Variants in CHRM3 observed in about 807,000 individuals in gnomAD.
CHRM3 encodes the protein muscarinic acetylcholine receptor M3.
In CHRM3, 11 loss-of-function variants were observed where a neutral mutation model predicts 41.8. The ratio of observed to expected loss-of-function variants is 0.26; its 90% CI spans 0.17 to 0.44. CHRM3 has a LOEUF of 0.44. Ranked by LOEUF, CHRM3 falls within the 20% of genes least tolerant of loss-of-function variation. The pLI is 1.00. For synonymous variants in CHRM3, 297 were observed against 301.4 expected, an observed-to-expected ratio of 0.99 and a Z score of 0.15; for missense variants, 571 against 745.4, an observed-to-expected ratio of 0.77 and a Z score of 2.72.
chr1:239,571,830 T>C (rs1661856086), intron 3 of CHRM3, among the ~76,000 whole-genome samples: 2 of 152,190 alleles, frequency 1.3e-5, no homozygotes. Context: ...AACTCATAAA[T>C]GTAAATAGAT....
At chr1:239,402,452 C>T (rs930087455) in intron 1 of CHRM3, among the ~76,000 whole-genome samples, 4 of 152,206 alleles carry the variant, frequency 2.6e-5, no homozygotes, top group African/African-American at 9.6e-5. Flanking sequence ...CTTTCAGTCT[C>T]TTTTGGATTT....
chr1:239,876,538 T>A (rs1379332126), intron 6 of CHRM3, among the ~76,000 whole-genome samples: 1 of 152,174 alleles, frequency 6.6e-6, no homozygotes, highest in Non-Finnish European at 1.5e-5. Flanking sequence ...CAACTCTCTC[T>A]ATGTCTCTAT....
intron 1 of CHRM3, among the ~76,000 whole-genome samples, chr1:239,430,989 TTTAA>T (rs1306036558): frequency 6.6e-6 from 1 of 152,194 alleles, no homozygotes; most frequent in Non-Finnish European, 1.5e-5. Flanking sequence ...ATCTATTACT[TTTAA>T]TCAATATTGG....
chr1:239,894,960 T>C (rs1464398147), intron 6 of CHRM3, among the ~76,000 whole-genome samples: 1 of 152,168 alleles, frequency 6.6e-6, no homozygotes, highest in Non-Finnish European at 1.5e-5. Context: ...TCTGGTGCCT[T>C]CAGTATATGG....
chr1:239,623,403 GTTTCCA>G (rs1668633159), intron 3 of CHRM3, among the ~76,000 whole-genome samples: 1 of 150,964 alleles, frequency 6.6e-6, no homozygotes, highest in Admixed American at 6.6e-5. Flanking sequence ...GAGAATGATG[GTTTCCA>G]GCTTCATCCA....
At position 239,545,720 on chromosome 1, in the gene CHRM3, C is replaced by T. The variant is rs1057498552; in HGVS notation, c.-342C>T. ...TTGAATGAACTGTATCCATCCCCAT[C>T]ATGATGTACAGAACCAAGTCTCTTC... On this transcript the variant is annotated 5_prime_UTR_variant, in exon 3 of 7. Transcript: ENST00000676153. 1 of 152,138 alleles carries T rather than the reference C, an allele frequency of 6.6e-6. No individual in the cohort carries two copies. The highest frequency in any genetic ancestry group is 2.4e-5 in the African/African-American group (1 of 41,434). The allele number at this position is 152,138 out of a possible 1,614,324, so 9.4% of individuals were successfully genotyped here. A position where few individuals can be genotyped will look rare whatever the true frequency, so the allele number is the denominator to read the frequency against.
At chr1:239,588,019 A>G (rs1309753564) in intron 3 of CHRM3, among the ~76,000 whole-genome samples, 1 of 152,236 alleles carries the variant, frequency 6.6e-6, no homozygotes, top group Non-Finnish European at 1.5e-5. Flanking sequence ...TCAGACCAAT[A>G]GATGAGCTAC....
intron 3 of CHRM3, among the ~76,000 whole-genome samples, chr1:239,584,493 G>C (rs563184303): frequency 2.6e-5 from 4 of 152,270 alleles, no homozygotes; most frequent in South Asian, 4.1e-4. Flanking sequence ...TTTTAAAAAT[G>C]AGGATTATTT....
intron 6 of CHRM3, among the ~76,000 whole-genome samples, chr1:239,840,756 A>C (rs1673730669): frequency 6.6e-6 from 1 of 152,354 alleles, no homozygotes; most frequent in South Asian, 2.1e-4. Context: ...CAATAACTTG[A>C]ATATTGTCAG....
intron 1 of CHRM3, among the ~76,000 whole-genome samples, chr1:239,440,942 T>C (rs1326881442): frequency 1.4e-5 from 2 of 145,882 alleles, no homozygotes; most frequent in South Asian, 2.1e-4. Context: ...TTACACTTTG[T>C]TTGTAAGGCA....
chr1:239,589,073 A>T (rs1157614298), intron 3 of CHRM3, among the ~76,000 whole-genome samples: 1 of 151,882 alleles, frequency 6.6e-6, no homozygotes, highest in African/African-American at 2.4e-5. Context: ...AGCTGGGATT[A>T]CAGGCACGTG....
intron 6 of CHRM3, among the ~76,000 whole-genome samples, chr1:239,872,031 C>G (rs1676632109): frequency 6.6e-6 from 1 of 152,142 alleles, no homozygotes; most frequent in Admixed American, 6.5e-5. Context: ...TTCGAATAAA[C>G]TTTGTAAGAA....
intron 6 of CHRM3, among the ~76,000 whole-genome samples, chr1:239,865,681 A>T (rs769033541): frequency 6.6e-5 from 10 of 152,186 alleles, no homozygotes; most frequent in Admixed American, 6.5e-4. Flanking sequence ...GCAGACCAAG[A>T]ATCAAGGGTA....
At chr1:239,472,723 TG>T (rs2147949135) in intron 1 of CHRM3, among the ~76,000 whole-genome samples, 1 of 128,638 alleles carries the variant, frequency 7.8e-6, no homozygotes, top group East Asian at 2.3e-4. Context: ...TAGGGCCTGT[TG>T]GGGGTGGGAT....
intron 6 of CHRM3, among the ~76,000 whole-genome samples, chr1:239,896,020 A>G (rs549147220): frequency 6.6e-6 from 1 of 152,368 alleles, no homozygotes; most frequent in South Asian, 2.1e-4. Context: ...AAAACAGAGT[A>G]GAGGCAATCG....
At chr1:239,684,590 G>T (rs948334698) in intron 5 of CHRM3, among the ~76,000 whole-genome samples, 1 of 151,250 alleles carries the variant, frequency 6.6e-6, no homozygotes. Flanking sequence ...AGCAGAGGTT[G>T]CAGTGAGCTG....
chr1:239,721,846 G>A (rs1328881855), intron 5 of CHRM3, among the ~76,000 whole-genome samples: 1 of 151,832 alleles, frequency 6.6e-6, no homozygotes, highest in Non-Finnish European at 1.5e-5. Flanking sequence ...ACAAAGCAAT[G>A]TAATGGTGTG....
chr1:239,507,197 G>A (rs865875059), intron 2 of CHRM3, among the ~76,000 whole-genome samples: 1 of 152,108 alleles, frequency 6.6e-6, no homozygotes, highest in Admixed American at 6.5e-5. Flanking sequence ...TGAAGGGCCA[G>A]GTGTGGAATG....
chr1:239,758,738 A>G (rs1666443261), intron 5 of CHRM3, among the ~76,000 whole-genome samples: 1 of 152,118 alleles, frequency 6.6e-6, no homozygotes, highest in African/African-American at 2.4e-5. Context: ...GTTCTAAGAT[A>G]TTTTTCCCCC....
Sources: allele counts gnomAD v4.1 joint callset (sites outside exome capture counted in the v4.1 genomes callset), GRCh38; gene constraint gnomAD v4.1.1; transcripts MANE v1.5; gene names NCBI Gene and HGNC (gene_info 2026-07-23, HGNC 2026-07-21).